Variants in EFR3B observed in about 807,000 individuals in gnomAD.
EFR3B encodes the protein EFR3 homolog B.
EFR3B carries 64 observed loss-of-function variants against 104.7 expected under a neutral mutation model. That is an observed-to-expected ratio of 0.61 (90% CI 0.50 to 0.75). The LOEUF is 0.75. Ranked by LOEUF, EFR3B falls within the 30% of genes least tolerant of loss-of-function variation. The pLI is 0.00. For synonymous variants in EFR3B, 385 were observed against 417.9 expected, an observed-to-expected ratio of 0.92 and a Z score of 0.96; for missense variants, 750 against 1,078.5, an observed-to-expected ratio of 0.70 and a Z score of 4.27.
Position 25,131,744 on chromosome 2 carries a change from T to C in EFR3B, c.986-6T>C. The stretch of plus-strand genomic sequence containing the variant: ...GATCTCGGGTGTCCCGCCCCACCGC[T>C]CTCAGGGCCCACAGTACTGGAGATG... On this transcript the variant is annotated splice_region_variant and splice_polypyrimidine_tract_variant and intron_variant, in intron 9 of 22. Transcript: ENST00000403714. The surrounding 1 kb of genome is among the most constrained non-coding windows in gnomAD (Gnocchi z 7.6). 6.7e-7 allele frequency: 1 copy of C among 1,495,030 alleles called. No individual in the cohort carries two copies. The allele number at this position is 1,495,030 out of a possible 1,614,324, so 92.6% of individuals were successfully genotyped here.
intron 1 of EFR3B, among the ~76,000 whole-genome samples, chr2:25,070,111 GT>G (rs1668453973): frequency 6.6e-6 from 1 of 152,172 alleles, no homozygotes; most frequent in Non-Finnish European, 1.5e-5. Flanking sequence ...TGGCACACTG[GT>G]GGGTGTGGCT....
At chr2:25,081,392 T>C in intron 1 of EFR3B, 1 of 1,110,054 alleles carries the variant, frequency 9.0e-7, no homozygotes, top group Admixed American at 1.8e-5. Flanking sequence ...CAGTTTATCC[T>C]GCACATGTTA....
intron 20 of EFR3B, among the ~76,000 whole-genome samples, chr2:25,151,358 C>G (rs980553051): frequency 4.6e-5 from 7 of 152,114 alleles, no homozygotes; most frequent in African/African-American, 1.7e-4. Context: ...CTGGTTCAAG[C>G]AATCCTCCTG....
At chr2:25,058,764 G>GC (rs35001093) in intron 1 of EFR3B, among the ~76,000 whole-genome samples, 1,602 of 106,268 alleles carry the variant, frequency 0.015, 50 homozygotes, top group African/African-American at 0.027. Flanking sequence ...GTCTCCCCGC[G>GC]CCCCCCCCCC....
At chr2:25,118,057 A>G (rs1398945557) in intron 4 of EFR3B, among the ~76,000 whole-genome samples, 3 of 151,998 alleles carry the variant, frequency 2.0e-5, no homozygotes, top group Non-Finnish European at 2.9e-5. Context: ...TTGGCTTACT[A>G]CAACCTCTGC....
Position 25,131,686 on chromosome 2 carries a change from C to G in EFR3B, c.986-64C>G. On this transcript the variant is annotated intron_variant, in intron 9 of 22. Coordinates refer to ENST00000403714, the MANE Select transcript of EFR3B (RefSeq NM_014971.2). The surrounding 1 kb of genome is among the most constrained non-coding windows in gnomAD (Gnocchi z 7.6). ...GGGGCGTGACCCTGCCCTGCCTGCGCGCGGTGCACAGAGGAGGAGGGTGCC... is the reference window on the plus strand; with the variant it reads ...GGGGCGTGACCCTGCCCTGCCTGCGGGCGGTGCACAGAGGAGGAGGGTGCC... The G allele has an allele frequency of 6.8e-7, 1 of 1,478,146 alleles. No individual in the cohort carries two copies. The highest frequency in any genetic ancestry group is 9.0e-7 in the Non-Finnish European group (1 of 1,108,962). 91.6% of individuals were successfully genotyped at this position (1,478,146 alleles called of 1,614,324 possible). A position where few individuals can be genotyped will look rare whatever the true frequency, so the allele number is the denominator to read the frequency against.
chr2:25,114,533 C>T lies in EFR3B; in HGVS notation c.364-7140C>T, dbSNP rs2149197328. 6.6e-6 allele frequency among the ~76,000 whole-genome samples: 1 copy of T among 152,322 alleles called. No individual in the cohort carries two copies. The highest frequency in any genetic ancestry group is 2.1e-4 in the South Asian group (1 of 4,822). ...ATATCTAACAGAGCAAGAGTCCTGGCAGCCCGAGGGAATGGAATGGTCAAC... is the reference window on the plus strand; with the variant it reads ...ATATCTAACAGAGCAAGAGTCCTGGTAGCCCGAGGGAATGGAATGGTCAAC... On this transcript the variant is annotated intron_variant, in intron 4 of 22. Coordinates refer to ENST00000403714, the MANE Select transcript of EFR3B (RefSeq NM_014971.2). The surrounding 1 kb of genome is among the most constrained non-coding windows in gnomAD (Gnocchi z 4.0).
At chr2:25,150,953 C>T (rs1670987325) in intron 20 of EFR3B, among the ~76,000 whole-genome samples, 1 of 151,866 alleles carries the variant, frequency 6.6e-6, no homozygotes, top group African/African-American at 2.4e-5. Flanking sequence ...GGCATGGTGG[C>T]TCACACCTGT....
In EFR3B at chr2:25,042,392, T is replaced by TC. The variant is rs1667597044; in HGVS notation, c.7+78dup. On this transcript the variant is annotated intron_variant, in intron 1 of 22. Coordinates refer to ENST00000403714, the MANE Select transcript of EFR3B (RefSeq NM_014971.2). The surrounding 1 kb of genome is among the most constrained non-coding windows in gnomAD (Gnocchi z 5.4). ...CAAACTTCCCCGGCGCGGACCATTGTCCCCCTGCACGGCCCTGGCGCGGGG... is the reference window on the plus strand; with the variant it reads ...CAAACTTCCCCGGCGCGGACCATTGTCCCCCCTGCACGGCCCTGGCGCGGGG... 8.1e-7 allele frequency: 1 copy of TC among 1,231,062 alleles called. No individual in the cohort carries two copies. Among genetic ancestry groups the TC allele is most frequent in the African/African-American group, 1.6e-5 (1 of 63,792 alleles). 76.3% of individuals were successfully genotyped at this position (1,231,062 alleles called of 1,614,324 possible).
At chr2:25,147,164 C>T (rs1156874745) in intron 19 of EFR3B, 7 of 152,306 alleles carry the variant, frequency 4.6e-5, no homozygotes, top group Admixed American at 3.3e-4. Flanking sequence ...TTCTCTCTCC[C>T]TGCTCTTGCC....
intron 1 of EFR3B, among the ~76,000 whole-genome samples, chr2:25,079,571 A>AT (rs1312992215): frequency 1.3e-5 from 2 of 152,002 alleles, no homozygotes; most frequent in Non-Finnish European, 2.9e-5. Context: ...AAACCCTGGA[A>AT]TTTTTTTTAA....
intron 19 of EFR3B, among the ~76,000 whole-genome samples, chr2:25,148,401 C>T (rs1446071562): frequency 1.3e-5 from 2 of 151,760 alleles, no homozygotes; most frequent in East Asian, 2.0e-4. Context: ...ATTACCGGCA[C>T]GCGCCACCAT....
chr2:25,127,867 G>A (rs1048247310), intron 5 of EFR3B, among the ~76,000 whole-genome samples: 1 of 152,114 alleles, frequency 6.6e-6, no homozygotes, highest in African/African-American at 2.4e-5. Context: ...CTTACATCTT[G>A]GGCCCAAGCT....
intron 4 of EFR3B, among the ~76,000 whole-genome samples, chr2:25,112,498 T>C (rs1415325418): frequency 6.6e-6 from 1 of 152,242 alleles, no homozygotes; most frequent in Non-Finnish European, 1.5e-5. Context: ...ATGCCTTGGC[T>C]GGTAGTCAGG....
intron 3 of EFR3B, among the ~76,000 whole-genome samples, chr2:25,098,831 ATTTTTTTTTTTTT>A (rs11416666): frequency 6.0e-5 from 5 of 83,812 alleles, no homozygotes; most frequent in Non-Finnish European, 9.1e-5. Context: ...TAAGTAGCCA[ATTTTTTTTTTTTT>A]TTTTTTTTTT....
At chr2:25,138,971 G>A in intron 15 of EFR3B, 88 bp from the exon 16 acceptor site, 9 of 1,495,634 alleles carry the variant, frequency 6.0e-6, no homozygotes, top group Non-Finnish European at 8.1e-6. Context: ...CATTTCTAAA[G>A]AAGATTGGGA....
At chr2:25,058,941 TA>T (rs1207117865) in intron 1 of EFR3B, among the ~76,000 whole-genome samples, 1 of 152,094 alleles carries the variant, frequency 6.6e-6, no homozygotes, top group African/African-American at 2.4e-5. Flanking sequence ...ATCCCACTAA[TA>T]GACATAAACC....
At chr2:25,071,360 A>G (rs1333584648) in intron 1 of EFR3B, among the ~76,000 whole-genome samples, 1 of 151,106 alleles carries the variant, frequency 6.6e-6, no homozygotes, top group Non-Finnish European at 1.5e-5. Context: ...TCCTGGGTTC[A>G]AGCGATTCTC....
intron 1 of EFR3B, among the ~76,000 whole-genome samples, chr2:25,050,818 C>A (rs1456901081): frequency 2.0e-5 from 3 of 152,176 alleles, no homozygotes; most frequent in Non-Finnish European, 4.4e-5. Flanking sequence ...AATGAGATTG[C>A]CTAGGACGAA....
Sources: allele counts gnomAD v4.1 joint callset (sites outside exome capture counted in the v4.1 genomes callset), GRCh38; gene constraint gnomAD v4.1.1; non-coding constraint Gnocchi (gnomAD v3.1); transcripts MANE v1.5; gene names NCBI Gene and HGNC (gene_info 2026-07-23, HGNC 2026-07-21).